Variants in BIVM observed in about 807,000 individuals in gnomAD.
BIVM encodes the protein basic, immunoglobulin-like variable motif containing.
A neutral mutation model predicts 61.4 loss-of-function variants in BIVM; 31 were observed. The observed-to-expected ratio is 0.51, with a 90% CI of 0.38 to 0.68. The LOEUF (loss-of-function observed/expected upper bound fraction) is 0.68. Among genes scored for constraint, BIVM ranks in the 30% least tolerant of loss-of-function variants. The pLI is 0.00. For missense variants in BIVM, 526 were observed against 596.0 expected, an observed-to-expected ratio of 0.88 and a Z score of 1.22; for synonymous variants, 189 against 210.7, an observed-to-expected ratio of 0.90 and a Z score of 0.89.
At chr13:102,831,799 GTGGGC>G in intron 8 of BIVM, 102 bp downstream of exon 8, 2 of 1,346,230 alleles carry the variant, frequency 1.5e-6, no homozygotes, top group Non-Finnish European at 2.0e-6. Flanking sequence ...GGAGGCCGAG[GTGGGC>G]GGATCACGAG....
At chr13:102,821,393 G>T (rs1045260499) in intron 5 of BIVM, among the ~76,000 whole-genome samples, 42 of 152,028 alleles carry the variant, frequency 2.8e-4, no homozygotes, top group Non-Finnish European at 1.6e-4. Flanking sequence ...CAAGGAGTTT[G>T]AGACCAGCCT....
At chr13:102,813,729 G>A (rs1879661193) in intron 3 of BIVM, among the ~76,000 whole-genome samples, 1 of 152,064 alleles carries the variant, frequency 6.6e-6, no homozygotes, top group African/African-American at 2.4e-5. Flanking sequence ...GGTTTTGGGA[G>A]GCAGTTAATT....
chr13:102,827,275 C>CT (rs34135564), intron 7 of BIVM, among the ~76,000 whole-genome samples: 77,593 of 139,236 alleles, frequency 0.56, 21,866 homozygotes, highest in African/African-American at 0.71. Flanking sequence ...GTCCCAATGA[C>CT]TTTTTTTTTT....
At chr13:102,831,724 G>T (rs1881082760) in intron 8 of BIVM, 27 bp downstream of exon 8, 1 of 1,612,774 alleles carries the variant, frequency 6.2e-7, no homozygotes, top group Admixed American at 1.7e-5. Flanking sequence ...TTTAGAAAGT[G>T]CATTTTAAGA....
chr13:102,811,258 C>A (rs1386254849), intron 3 of BIVM, among the ~76,000 whole-genome samples: 2 of 152,170 alleles, frequency 1.3e-5, no homozygotes, highest in East Asian at 3.8e-4. Context: ...CCTTACAGGG[C>A]AAGTCTAGTG....
chr13:102,839,139 G>A (rs1221529718), intron 10 of BIVM, among the ~76,000 whole-genome samples: 1 of 152,206 alleles, frequency 6.6e-6, no homozygotes, highest in East Asian at 1.9e-4. Context: ...TCTTAGCCCA[G>A]CTTGGGCCAG....
intron 4 of BIVM, among the ~76,000 whole-genome samples, chr13:102,818,902 G>A (rs1880053545): frequency 6.6e-6 from 1 of 152,028 alleles, no homozygotes; most frequent in South Asian, 2.1e-4. Context: ...CTATATACAT[G>A]CATGCAATAC....
chr13:102,812,252 A>G lies in BIVM; in HGVS notation c.479-4176A>G, dbSNP rs76215748. Among the ~76,000 whole-genome samples, 59 of 152,242 alleles carry G rather than the reference A, an allele frequency of 3.9e-4. 1 individual carries two copies. The East Asian group carries it at 0.011, about 29-fold the overall frequency. ...TTAAGTTTTCTATCTCTTCATTGATATTTCCATGTTCTTCATACATACATC... is the reference window on the plus strand; with the variant it reads ...TTAAGTTTTCTATCTCTTCATTGATGTTTCCATGTTCTTCATACATACATC... On this transcript the variant is annotated intron_variant, in intron 3 of 10. Coordinates refer to ENST00000257336, the MANE Select transcript of BIVM (RefSeq NM_017693.4).
At position 102,807,856 on chromosome 13, in the gene BIVM, A is replaced by G. The variant is rs1879207108; in HGVS notation, c.478+111A>G. On this transcript the variant is annotated intron_variant, in intron 3 of 10. Transcript: ENST00000257336. This position sits in a 1 kb window ranked among gnomAD's most constrained non-coding sequence, Gnocchi z 4.0. ...TTCCTTGTATAATACTAGATAAGGAACATGGCTATCATCTTGTCTGTCAAT... is the reference window on the plus strand; with the variant it reads ...TTCCTTGTATAATACTAGATAAGGAGCATGGCTATCATCTTGTCTGTCAAT... 2.6e-6 allele frequency: 3 copies of G among 1,175,584 alleles called. No homozygotes were observed. Among genetic ancestry groups the G allele is most frequent in the Non-Finnish European group, 3.5e-6 (3 of 855,938 alleles). The allele number at this position is 1,175,584 out of a possible 1,614,324, so 72.8% of individuals were successfully genotyped here. A position where few individuals can be genotyped will look rare whatever the true frequency, so the allele number is the denominator to read the frequency against.
chr13:102,834,729 T>C (rs1881345208), intron 9 of BIVM, among the ~76,000 whole-genome samples, 177 bp downstream of exon 9: 3 of 152,228 alleles, frequency 2.0e-5, no homozygotes, highest in African/African-American at 7.2e-5. Context: ...TCTACTCCTA[T>C]CAATCTCCAT....
At chr13:102,806,858 C>T (rs1341417923) in intron 2 of BIVM, among the ~76,000 whole-genome samples, 2 of 150,492 alleles carry the variant, frequency 1.3e-5, no homozygotes, top group African/African-American at 2.5e-5. Flanking sequence ...TGCGGTGAGC[C>T]GAGATTGTGC....
At position 102,807,413 on chromosome 13, in the gene BIVM, G is replaced by A; in HGVS notation, c.146G>A (p.Gly49Glu). 1 of 1,614,176 alleles carries A rather than the reference G, an allele frequency of 6.2e-7. No homozygotes were observed. Among genetic ancestry groups the A allele is most frequent in the Non-Finnish European group, 8.5e-7 (1 of 1,180,042 alleles). Residue 49 changes from glycine to glutamate, a missense_variant, in exon 3 of 11, where the codon GGA becomes GAA. Gly to Glu is a moderately conservative substitution (Grantham distance 98). Transcript: ENST00000257336. The surrounding 1 kb of genome is among the most constrained non-coding windows in gnomAD (Gnocchi z 4.0). ...TCAGGAGCACCCTTGGGTCCCAAAGGAGATGGTCATTATCCATGGAGTTGT... is the reference window on the plus strand; with the variant it reads ...TCAGGAGCACCCTTGGGTCCCAAAGAAGATGGTCATTATCCATGGAGTTGT... ...SASGAPLGPK[G>E]DGHYPWSCPV...
chr13:102,801,258 T>G (rs1595322729), intron 1 of BIVM, among the ~76,000 whole-genome samples: 1 of 149,920 alleles, frequency 6.7e-6, no homozygotes, highest in Non-Finnish European at 1.5e-5. Context: ...TTTTTTTTTT[T>G]TTTTTTGAGA....
chr13:102,834,427 G>C (rs1268879116), intron 8 of BIVM, 39 bp from the exon 9 acceptor site: 1 of 1,556,408 alleles, frequency 6.4e-7, no homozygotes, highest in Non-Finnish European at 8.7e-7. Context: ...ACTCAAGGGA[G>C]TAACTATTAA....
intron 3 of BIVM, among the ~76,000 whole-genome samples, chr13:102,812,918 A>G (rs558074475): frequency 2.6e-5 from 4 of 152,312 alleles, no homozygotes; most frequent in East Asian, 1.9e-4. Context: ...TTCATAGGAC[A>G]TGGACCTTTT....
At position 102,831,584 on chromosome 13, in the gene BIVM, G is replaced by A. The variant is rs770917074; in HGVS notation, c.921G>A (p.Lys307=). The A allele has an allele frequency of 1.2e-6, 2 of 1,614,104 alleles. No individual in the cohort carries two copies. The highest frequency in any genetic ancestry group is 2.2e-5 in the East Asian group (1 of 44,878). ...TAATAGCTTCAGGGGCCCTGTCAAA[G>A]TTAACCCGTGGATTGAAAGATGAAT... ...AGETASGALS[K]LTRGLKDESL... Residue 307 remains lysine, a synonymous_variant, in exon 8 of 11, where the codon AAG becomes AAA. Coordinates refer to ENST00000257336, the MANE Select transcript of BIVM (RefSeq NM_017693.4).
chr13:102,808,078 G>A (rs138301366), intron 3 of BIVM, among the ~76,000 whole-genome samples: 22 of 152,296 alleles, frequency 1.4e-4, no homozygotes, highest in African/African-American at 4.1e-4. Flanking sequence ...CTGTTTCATA[G>A]TTTTATAGGC....
intron 1 of BIVM, 26 bp downstream of exon 1, chr13:102,799,547 CGAGGTG>C (rs1878599322): frequency 6.6e-6 from 1 of 152,272 alleles, no homozygotes; most frequent in Admixed American, 6.5e-5. Context: ...GGGCAGGGGC[CGAGGTG>C]GCGGCCGGCT....
chr13:102,839,440 T>G, intron 10 of BIVM, 132 bp from the exon 11 acceptor site: 1 of 1,235,850 alleles, frequency 8.1e-7, no homozygotes, highest in Non-Finnish European at 1.1e-6. Flanking sequence ...GGTGCTCTGA[T>G]GATGCCTGGA....
Sources: allele counts gnomAD v4.1 joint callset (sites outside exome capture counted in the v4.1 genomes callset), GRCh38; gene constraint gnomAD v4.1.1; non-coding constraint Gnocchi (gnomAD v3.1); transcripts MANE v1.5; gene names NCBI Gene and HGNC (gene_info 2026-07-23, HGNC 2026-07-21).